Variants in GALNT13 observed in about 807,000 individuals in gnomAD.
GALNT13 encodes UDP-GalNAc:polypeptide N-acetylgalactosaminyltransferase 13.
In GALNT13, 28 loss-of-function variants were observed where a neutral mutation model predicts 64.2. The observed-to-expected ratio is 0.44, with a 90% CI of 0.32 to 0.60. The LOEUF (loss-of-function observed/expected upper bound fraction) is 0.60, where lower values mean the gene tolerates loss of function less well. Ranked by LOEUF, GALNT13 falls within the 20% of genes least tolerant of loss-of-function variation. The probability of loss-of-function intolerance (pLI) is 0.05; values close to 1 mark genes in which losing one functional copy is unlikely to be tolerated. For synonymous variants in GALNT13, 214 were observed against 224.6 expected, an observed-to-expected ratio of 0.95 and a Z score of 0.42; for missense variants, 577 against 669.8, an observed-to-expected ratio of 0.86 and a Z score of 1.53.
chr2:153,624,974 G>A, the GALNT13 span, among the ~76,000 whole-genome samples: 1 of 151,944 alleles, frequency 6.6e-6, no homozygotes, highest in Non-Finnish European at 1.5e-5. Flanking sequence ...TGTTGCATTT[G>A]AGAAGGCACT....
the GALNT13 span, among the ~76,000 whole-genome samples, chr2:153,400,071 T>C: frequency 2.0e-5 from 3 of 151,974 alleles, no homozygotes; most frequent in African/African-American, 7.3e-5. Context: ...TTGTCATAGA[T>C]AGCTCTTATT....
the GALNT13 span, among the ~76,000 whole-genome samples, chr2:153,595,058 A>G: frequency 6.6e-6 from 1 of 152,122 alleles, no homozygotes; most frequent in Non-Finnish European, 1.5e-5. Context: ...TACAACTGAC[A>G]TAATTCTAGA....
chr2:153,681,279 G>C, the GALNT13 span, among the ~76,000 whole-genome samples: 1 of 151,790 alleles, frequency 6.6e-6, no homozygotes. Flanking sequence ...ATTTGATCCT[G>C]TACTGAAATG....
the GALNT13 span, among the ~76,000 whole-genome samples, chr2:153,730,409 C>T: frequency 6.6e-6 from 1 of 151,788 alleles, no homozygotes; most frequent in Non-Finnish European, 1.5e-5. Flanking sequence ...GAAGACTGAA[C>T]TGCTTTCTGT....
chr2:153,812,818 G>A, the GALNT13 span, among the ~76,000 whole-genome samples: 2 of 152,084 alleles, frequency 1.3e-5, no homozygotes, highest in Admixed American at 6.6e-5. Context: ...TTCCCTATGC[G>A]CACAAAGTGT....
At chr2:154,170,801 T>C (rs548168497) in intron 4 of GALNT13, among the ~76,000 whole-genome samples, 50 of 152,256 alleles carry the variant, frequency 3.3e-4, no homozygotes, top group Non-Finnish European at 4.7e-4. Context: ...TGAGTAAATA[T>C]TAAAATGTCC....
At chr2:153,597,978 T>C in the GALNT13 span, among the ~76,000 whole-genome samples, 1 of 152,080 alleles carries the variant, frequency 6.6e-6, no homozygotes, top group African/African-American at 2.4e-5. Flanking sequence ...CATATACTAC[T>C]GGTATAAATG....
At chr2:154,241,856 G>A (rs1000370043) in intron 4 of GALNT13, among the ~76,000 whole-genome samples, 174 bp from the exon 5 acceptor site, 8 of 152,112 alleles carry the variant, frequency 5.3e-5, no homozygotes, top group Non-Finnish European at 1.0e-4. Flanking sequence ...TTTTCAGAAT[G>A]CCAACTGATT....
chr2:153,606,385 C>T, the GALNT13 span, among the ~76,000 whole-genome samples: 1 of 152,094 alleles, frequency 6.6e-6, no homozygotes, highest in Non-Finnish European at 1.5e-5. Context: ...AAACCCTAAA[C>T]AAAGATTGTC....
chr2:153,206,139 CCTGGTA>C, the GALNT13 span, among the ~76,000 whole-genome samples: 1 of 151,864 alleles, frequency 6.6e-6, no homozygotes, highest in Non-Finnish European at 1.5e-5. Context: ...AAGTACAGAG[CCTGGTA>C]CTATAATAAG....
chr2:153,432,356 G>A, the GALNT13 span, among the ~76,000 whole-genome samples: 1 of 152,126 alleles, frequency 6.6e-6, no homozygotes, highest in African/African-American at 2.4e-5. Context: ...ATGGTCATAA[G>A]CAGGAATCAA....
At chr2:154,011,106 G>A (rs866104920) in intron 3 of GALNT13, among the ~76,000 whole-genome samples, 2 of 151,874 alleles carry the variant, frequency 1.3e-5, no homozygotes, top group South Asian at 4.2e-4. Context: ...ATTCAGATCT[G>A]ATTTTTTAAA....
the GALNT13 span, among the ~76,000 whole-genome samples, chr2:153,091,943 C>G: frequency 2.6e-5 from 4 of 152,064 alleles, no homozygotes; most frequent in Non-Finnish European, 5.9e-5. Flanking sequence ...AGATTTTTCC[C>G]AATGTTTTCT....
At chr2:154,110,182 T>TTTG (rs542585700) in intron 3 of GALNT13, among the ~76,000 whole-genome samples, 111 of 149,588 alleles carry the variant, frequency 7.4e-4, no homozygotes, top group South Asian at 1.1e-3. Flanking sequence ...GATTTTGTCT[T>TTTG]TTGTTGTTGT....
chr2:153,728,981 T>C, the GALNT13 span, among the ~76,000 whole-genome samples: 2 of 152,096 alleles, frequency 1.3e-5, no homozygotes, highest in Admixed American at 6.5e-5. Context: ...AGTTATGAAA[T>C]TGAGGCAGTA....
chr2:153,594,267 T>C, the GALNT13 span, among the ~76,000 whole-genome samples: 1 of 152,154 alleles, frequency 6.6e-6, no homozygotes, highest in East Asian at 1.9e-4. Flanking sequence ...TCTAAAACTG[T>C]TCTAATAAAG....
chr2:153,582,921 A>G, the GALNT13 span, among the ~76,000 whole-genome samples: 1 of 152,330 alleles, frequency 6.6e-6, no homozygotes. Context: ...TTTTAGGATC[A>G]TTCATTTCAT....
intron 3 of GALNT13, among the ~76,000 whole-genome samples, chr2:154,091,081 T>C (rs962110720): frequency 2.0e-5 from 3 of 151,976 alleles, no homozygotes; most frequent in African/African-American, 7.2e-5. Flanking sequence ...ATTGTGATAA[T>C]ATGCAGTAAC....
the GALNT13 span, among the ~76,000 whole-genome samples, chr2:153,803,705 A>AAG: frequency 1.3e-5 from 2 of 148,324 alleles, no homozygotes; most frequent in African/African-American, 5.0e-5. Context: ...AAAAAAAAAA[A>AAG]AAAGAAAAAG....
Sources: gnomAD v4.1 joint callset for allele counts (sites outside exome capture counted in the v4.1 genomes callset) on GRCh38, gnomAD v4.1.1 for gene constraint, MANE v1.5 for transcripts, NCBI Gene and HGNC (gene_info 2026-07-23, HGNC 2026-07-21) for gene names.